Variants in LNX1 observed in about 807,000 individuals in gnomAD.
LNX1 encodes ligand of numb-protein X 1.
Under a neutral mutation model 68.4 loss-of-function variants are expected in LNX1, and 54 were observed. The ratio of observed to expected loss-of-function variants is 0.79; its 90% confidence interval spans 0.63 to 0.99. The LOEUF is 0.99. Among genes scored for constraint, LNX1 ranks in the 50% least tolerant of loss-of-function variants. LNX1 has a pLI of 0.00. For synonymous variants in LNX1, 336 were observed against 350.0 expected, an observed-to-expected ratio of 0.96 and a Z score of 0.45; for missense variants, 906 against 926.4, an observed-to-expected ratio of 0.98 and a Z score of 0.29.
At chr4:53,613,134 TTA>T (rs1439372323) in intron 2 of LNX1, among the ~76,000 whole-genome samples, 2 of 148,008 alleles carry the variant, frequency 1.4e-5, no homozygotes, top group African/African-American at 2.5e-5. Flanking sequence ...GGTGGAGAAT[TTA>T]TATGTGTGGA....
intron 1 of LNX1, among the ~76,000 whole-genome samples, chr4:53,622,817 T>A (rs1444194855): frequency 1.3e-5 from 2 of 152,202 alleles, no homozygotes; most frequent in Admixed American, 6.5e-5. Flanking sequence ...ACCAGAAAGA[T>A]TGCACATCAT....
At chr4:53,497,535 G>A (rs1287584124) in intron 5 of LNX1, among the ~76,000 whole-genome samples, 2 of 152,216 alleles carry the variant, frequency 1.3e-5, no homozygotes, top group Non-Finnish European at 2.9e-5. Context: ...TGGCAGGGCC[G>A]GGTTCCCCCA....
intron 2 of LNX1, among the ~76,000 whole-genome samples, chr4:53,544,501 T>C (rs761199841): frequency 6.6e-6 from 1 of 151,930 alleles, no homozygotes; most frequent in Non-Finnish European, 1.5e-5. Flanking sequence ...GCCTGAGAGG[T>C]GCTGATTTCT....
At chr4:53,533,721 C>T (rs982280156) in intron 2 of LNX1, among the ~76,000 whole-genome samples, 2 of 152,118 alleles carry the variant, frequency 1.3e-5, no homozygotes, top group African/African-American at 4.8e-5. Flanking sequence ...TTGATTGCCA[C>T]GATTTGGGAG....
At chr4:53,518,361 G>T (rs1726949590) in intron 2 of LNX1, among the ~76,000 whole-genome samples, 1 of 152,134 alleles carries the variant, frequency 6.6e-6, no homozygotes, top group South Asian at 2.1e-4. Flanking sequence ...GAGGGAGGCA[G>T]GGAAGAAGTG....
intron 2 of LNX1, among the ~76,000 whole-genome samples, chr4:53,568,782 TCTC>T (rs1730917344): frequency 6.6e-6 from 1 of 151,924 alleles, no homozygotes; most frequent in South Asian, 2.1e-4. Context: ...CAGCCCAAAA[TCTC>T]CTTAAGCTGA....
upstream of LNX1, among the ~76,000 whole-genome samples, chr4:53,595,981 T>C (rs1294775683): frequency 6.6e-6 from 1 of 152,238 alleles, no homozygotes; most frequent in Non-Finnish European, 1.5e-5. Context: ...AAAAACCTCT[T>C]TGGCTATCTT....
chr4:53,635,155 A>T (rs1258407476), intron 1 of LNX1, among the ~76,000 whole-genome samples: 1 of 152,152 alleles, frequency 6.6e-6, no homozygotes, highest in East Asian at 1.9e-4. Flanking sequence ...GAAAACAAGC[A>T]GTTCAGATAA....
intron 6 of LNX1, among the ~76,000 whole-genome samples, chr4:53,483,727 C>A (rs1724101680): frequency 6.6e-6 from 1 of 152,202 alleles, no homozygotes; most frequent in African/African-American, 2.4e-5. Flanking sequence ...ACCACCACAA[C>A]AGAGAAGGGG....
At chr4:53,512,792 G>A (rs1726452104) in intron 2 of LNX1, among the ~76,000 whole-genome samples, 1 of 152,124 alleles carries the variant, frequency 6.6e-6, no homozygotes, top group Non-Finnish European at 1.5e-5. Context: ...TTAGGTATTA[G>A]CTGCTCTACT....
chr4:53,531,383 C>T (rs773124049), intron 2 of LNX1, among the ~76,000 whole-genome samples: 11 of 152,208 alleles, frequency 7.2e-5, no homozygotes, highest in Admixed American at 4.6e-4. Context: ...ACAGTCCTCT[C>T]ATCTATAAAG....
intron 9 of LNX1, among the ~76,000 whole-genome samples, chr4:53,473,685 CA>C (rs1341481864): frequency 1.3e-5 from 2 of 152,048 alleles, no homozygotes; most frequent in African/African-American, 4.8e-5. Context: ...AGAGGATCAG[CA>C]AATATAACTA....
chr4:53,652,447 C>T (rs1735143304), exon 1 of LNX1: 1 of 152,232 alleles, frequency 6.6e-6, no homozygotes, highest in Non-Finnish European at 1.5e-5. Context: ...TGCAGAGCAG[C>T]ATGCATTAGC....
chr4:53,530,394 A>G (rs927280281), intron 2 of LNX1, among the ~76,000 whole-genome samples: 1 of 152,222 alleles, frequency 6.6e-6, no homozygotes, highest in Non-Finnish European at 1.5e-5. Context: ...GGGAAATTAA[A>G]CATAAGAAAA....
intron 2 of LNX1, among the ~76,000 whole-genome samples, chr4:53,525,912 G>C (rs1560645921): frequency 6.6e-6 from 1 of 152,088 alleles, no homozygotes; most frequent in African/African-American, 2.4e-5. Context: ...ACATCTTTAG[G>C]AAATACCATC....
rs1352651156 is a variant in LNX1, at chr4:53,573,852, G to A, written c.151C>T (p.Pro51Ser). ...GTGTGTCCACACGGAGTGTCCAGGG[G>A]GTCCAGCAAAGCCTGCAGGCAGATG... is the stretch of plus-strand genomic sequence containing the variant. ...CHICLQALLD[P>S]LDTPCGHTYC... Residue 51 changes from proline (P) to serine (S), a missense_variant, in exon 2 of 11, where the codon CCC becomes TCC. Physicochemically the swap from Pro to Ser is moderately conservative, Grantham distance 74 (BLOSUM62 -1). Coordinates refer to ENST00000263925, the MANE Select transcript of LNX1 (RefSeq NM_001126328.3). 1.2e-6 allele frequency: 2 copies of A among 1,613,750 alleles called. No homozygotes were observed. The highest frequency in any genetic ancestry group is 1.7e-5 in the Admixed American group (1 of 59,990).
At chr4:53,592,082 T>C (rs1281051637), upstream of LNX1, among the ~76,000 whole-genome samples, 1 of 152,138 alleles carries the variant, frequency 6.6e-6, no homozygotes, top group Non-Finnish European at 1.5e-5. Flanking sequence ...ACTTTTGCGC[T>C]ACCCCCTCCC....
chr4:53,610,053 C>T (rs1733418185), intron 2 of LNX1, among the ~76,000 whole-genome samples: 1 of 151,822 alleles, frequency 6.6e-6, no homozygotes, highest in South Asian at 2.1e-4. Flanking sequence ...CTTTTAACCT[C>T]TGTGTCACGC....
At chr4:53,496,804 T>C (rs965924179) in intron 5 of LNX1, among the ~76,000 whole-genome samples, 8 of 152,216 alleles carry the variant, frequency 5.3e-5, no homozygotes, top group African/African-American at 1.9e-4. Context: ...TCAAGCCGAG[T>C]TGACATTTTC....
Sources: allele counts gnomAD v4.1 joint callset (sites outside exome capture counted in the v4.1 genomes callset), GRCh38; gene constraint gnomAD v4.1.1; transcripts MANE v1.5; gene names NCBI Gene and HGNC (gene_info 2026-07-23, HGNC 2026-07-21).